The following NUDT11 variants were observed in gnomAD, a reference collection of about 807,000 sequenced individuals.
The protein encoded by NUDT11 is nudix hydrolase 11.
A neutral mutation model predicts 10.0 loss-of-function variants in NUDT11; 1 was observed. The ratio of observed to expected loss-of-function variants is 0.10; its 90% confidence interval spans 0.04 to 0.47. NUDT11 has a LOEUF of 0.47. Among genes scored for constraint, NUDT11 ranks in the 20% least tolerant of loss-of-function variants. The pLI is 0.96. For missense variants in NUDT11, 47 were observed against 140.4 expected, an observed-to-expected ratio of 0.33 and a Z score of 3.36; for synonymous variants, 63 against 65.9, an observed-to-expected ratio of 0.96 and a Z score of 0.21.
At position 51,496,096 on chromosome X, in the gene NUDT11, G is replaced by C; in HGVS notation, c.349C>G (p.Arg117Gly). ...WEDSVSIGRK[R>G]EWFKVEDAIK... is the part of the protein sequence containing the mutation. The stretch of plus-strand genomic sequence containing the variant: ...GCATCTTCGACTTTGAACCACTCTC[G>C]CTTCCTCCCAATGCTAACCGAATCT... Residue 117 changes from arginine to glycine, a missense_variant, in exon 1 of 2, where the codon CGA becomes GGA. Arg to Gly is a moderately radical substitution (Grantham distance 125). Coordinates refer to ENST00000375992, the MANE Select transcript of NUDT11 (RefSeq NM_018159.4). 1 of 1,211,149 alleles carries C rather than the reference G, an allele frequency of 8.3e-7. No homozygotes were observed. The highest frequency in any genetic ancestry group is 1.1e-6 in the Non-Finnish European group (1 of 894,990).
At chrX:51,494,534 T>C (rs1557326465) in intron 1 of NUDT11, among the ~76,000 whole-genome samples, 1 of 111,721 alleles carries the variant, frequency 9.0e-6, no homozygotes, top group East Asian at 2.8e-4. Flanking sequence ...AAAAATATTA[T>C]TTGTGAAATT....
In NUDT11 at chrX:51,490,494, C is replaced by T. The variant is rs1240858713; in HGVS notation, c.*1255G>A. ...TTGGTAATTTGTAAGGAGCTGAAGA[C>T]TGCTGATATCACACATCCCATGGCA... is the stretch of plus-strand genomic sequence containing the variant. On this transcript the variant is annotated 3_prime_UTR_variant, in exon 2 of 2. Coordinates refer to ENST00000375992, the MANE Select transcript of NUDT11 (RefSeq NM_018159.4). 6 of 111,837 alleles carry T rather than the reference C, an allele frequency of 5.4e-5. No homozygotes were observed. The East Asian group carries it at 1.7e-3, about 31-fold the overall frequency. The allele number at this position is 111,837 out of a possible 1,213,427, so 9.2% of individuals were successfully genotyped here. A position where few individuals can be genotyped will look rare whatever the true frequency, so the allele number is the denominator to read the frequency against.
In NUDT11 at chrX:51,491,648, T is replaced by C. The variant is rs896338894; in HGVS notation, c.*101A>G. On this transcript the variant is annotated 3_prime_UTR_variant, in exon 2 of 2. Transcript: ENST00000375992. ...GGAAGAAACCAGATGAGCTGTCTTC[T>C]TGGGAACACAGAAGTGCTCACCTGT... is the stretch of plus-strand genomic sequence containing the variant. 7 of 557,067 alleles carry C rather than the reference T, an allele frequency of 1.3e-5. No homozygotes were observed. The highest frequency in any genetic ancestry group is 2.3e-5 in the Non-Finnish European group (7 of 302,828). 45.9% of individuals were successfully genotyped at this position (557,067 alleles called of 1,213,427 possible).
In NUDT11 at chrX:51,496,342, A is replaced by G. The variant is rs782658460; in HGVS notation, c.103T>C (p.Leu35=). The G allele has an allele frequency of 1.7e-6, 2 of 1,207,693 alleles. No individual in the cohort carries two copies. Among genetic ancestry groups the G allele is most frequent in the Non-Finnish European group, 2.2e-6 (2 of 893,876 alleles). The change falls in exon 1 of 2, where the codon TTA becomes CTA. Residue 35 remains leucine, a synonymous_variant. Transcript: ENST00000375992. ...TCCGGGTACCGGCTGCTACTCACTA[A>G]CAGGACCTCGTCCTCGCGTTCGCTC... ...FRSEREDEVL[L]VSSSRYPDRW... is the part of the protein sequence containing the mutation.
chrX:51,493,857 T>G (rs1198403396), intron 1 of NUDT11, among the ~76,000 whole-genome samples: 2 of 111,921 alleles, frequency 1.8e-5, no homozygotes, highest in African/African-American at 3.2e-5. Context: ...ATACATAACT[T>G]AAGAACCAAA....
chrX:51,491,807 A>T, intron 1 of NUDT11, 58 bp from the exon 2 acceptor site: 1 of 570,265 alleles, frequency 1.8e-6, no homozygotes, highest in East Asian at 3.2e-5. Context: ...CCTCCAACTG[A>T]CAAATGTACC....
chrX:51,495,852 C>T lies in NUDT11; in HGVS notation c.494+99G>A, dbSNP rs1398516742. 9.9e-6 allele frequency: 11 copies of T among 1,113,738 alleles called. No individual in the cohort carries two copies. The Admixed American group carries it at 3.3e-4, about 33-fold the overall frequency. The allele number at this position is 1,113,738 out of a possible 1,213,427, so 91.8% of individuals were successfully genotyped here. A position where few individuals can be genotyped will look rare whatever the true frequency, so the allele number is the denominator to read the frequency against. On this transcript the variant is annotated intron_variant, in intron 1 of 1. Coordinates refer to ENST00000375992, the MANE Select transcript of NUDT11 (RefSeq NM_018159.4). Reference sequence around the variant, plus strand: ...AGGAAACAAAAGAAGCCTCCCTCCTCCCCGTGAGACCGCACATGGCACGAG... The same window carrying T: ...AGGAAACAAAAGAAGCCTCCCTCCTTCCCGTGAGACCGCACATGGCACGAG...
chrX:51,491,825 T>A (rs1029072369), intron 1 of NUDT11, 76 bp from the exon 2 acceptor site: 10 of 566,368 alleles, frequency 1.8e-5, no homozygotes, highest in Non-Finnish European at 3.2e-5. Flanking sequence ...ACCAAGAGCT[T>A]ATTATGTACA....
At chrX:51,493,833 TTTTAC>T (rs1925645876) in intron 1 of NUDT11, among the ~76,000 whole-genome samples, 1 of 111,891 alleles carries the variant, frequency 8.9e-6, no homozygotes, top group African/African-American at 3.2e-5. Flanking sequence ...GTACATTAAT[TTTTAC>T]TTTGTCAGAT....
In NUDT11 at chrX:51,496,532, C is replaced by T; in HGVS notation, c.-88G>A. 2 of 1,168,276 alleles carry T rather than the reference C, an allele frequency of 1.7e-6. No homozygotes were observed. Among genetic ancestry groups the T allele is most frequent in the Admixed American group, 2.4e-5 (1 of 41,996 alleles). ...GCCGCTGCCGCCGCCGGGGAACAGC[C>T]GAGGTGCTGGGAAGAGAAAGGGCCG... is the stretch of plus-strand genomic sequence containing the variant. On this transcript the variant is annotated 5_prime_UTR_variant, in exon 1 of 2. Coordinates refer to ENST00000375992, the MANE Select transcript of NUDT11 (RefSeq NM_018159.4).
chrX:51,490,708 C>T lies in NUDT11; in HGVS notation c.*1041G>A, dbSNP rs1925575065. Reference sequence around the variant, plus strand: ...TCTCAGCCCTCTGCATTCTCATATGCAGAAACCAGGTAGGATGAGGAGCTA... The same window carrying T: ...TCTCAGCCCTCTGCATTCTCATATGTAGAAACCAGGTAGGATGAGGAGCTA... On this transcript the variant is annotated 3_prime_UTR_variant, in exon 2 of 2. Coordinates refer to ENST00000375992, the MANE Select transcript of NUDT11 (RefSeq NM_018159.4). 8.9e-6 allele frequency: 1 copy of T among 111,761 alleles called. No homozygotes were observed. The highest frequency in any genetic ancestry group is 3.3e-5 in the African/African-American group (1 of 30,723). 9.2% of individuals were successfully genotyped at this position (111,761 alleles called of 1,213,427 possible).
intron 1 of NUDT11, among the ~76,000 whole-genome samples, chrX:51,491,991 G>A (rs1925604014): frequency 8.9e-6 from 1 of 112,031 alleles, no homozygotes; most frequent in South Asian, 3.7e-4. Context: ...TGTAAAAGAG[G>A]AGTGACCATT....
At chrX:51,494,232 G>A (rs974065741) in intron 1 of NUDT11, among the ~76,000 whole-genome samples, 1 of 112,077 alleles carries the variant, frequency 8.9e-6, no homozygotes, top group Non-Finnish European at 1.9e-5. Flanking sequence ...TTTAAAATAT[G>A]TGGTTCAAAT....
At position 51,496,339 on chromosome X, in the gene NUDT11, C is replaced by T; in HGVS notation, c.106G>A (p.Val36Met). ...CGGTCCGGGTACCGGCTGCTACTCA[C>T]TAACAGGACCTCGTCCTCGCGTTCG... ...RSEREDEVLL[V>M]SSSRYPDRWI... Residue 36 changes from valine (V) to methionine (M), a missense_variant, in exon 1 of 2, where the codon GTG becomes ATG. Coordinates refer to ENST00000375992, the MANE Select transcript of NUDT11 (RefSeq NM_018159.4). 1 of 1,208,395 alleles carries T rather than the reference C, an allele frequency of 8.3e-7. No individual in the cohort carries two copies.
intron 1 of NUDT11, 91 bp downstream of exon 1, chrX:51,495,860 G>T: frequency 8.8e-7 from 1 of 1,138,310 alleles, no homozygotes; most frequent in Non-Finnish European, 1.2e-6. Flanking sequence ...CTCCCCGTGA[G>T]ACCGCACATG....
At position 51,490,247 on chromosome X, in the gene NUDT11, T is replaced by C. The variant is rs1018876647; in HGVS notation, c.*1502A>G. On this transcript the variant is annotated 3_prime_UTR_variant, in exon 2 of 2. Coordinates refer to ENST00000375992, the MANE Select transcript of NUDT11 (RefSeq NM_018159.4). ...ACTTCTCTAAAAGATAATCATTTTT[T>C]AAAACAACATAACCACAGTACCATA... is the stretch of plus-strand genomic sequence containing the variant. 1.8e-5 allele frequency: 2 copies of C among 111,470 alleles called. No homozygotes were observed. The highest frequency in any genetic ancestry group is 3.8e-5 in the Non-Finnish European group (2 of 53,148). The allele number at this position is 111,470 out of a possible 1,213,427, so 9.2% of individuals were successfully genotyped here.
At chrX:51,492,274 G>A (rs1267264568) in intron 1 of NUDT11, among the ~76,000 whole-genome samples, 3 of 111,331 alleles carry the variant, frequency 2.7e-5, no homozygotes, top group East Asian at 5.7e-4. Flanking sequence ...CAGATAGTTA[G>A]ATAACTTGGC....
chrX:51,491,250 C>A lies in NUDT11; in HGVS notation c.*499G>T, dbSNP rs1282794883. 4.4e-5 allele frequency: 5 copies of A among 113,799 alleles called. No individual in the cohort carries two copies. Among genetic ancestry groups the A allele is most frequent in the African/African-American group, 9.7e-5 (3 of 30,813 alleles). The allele number at this position is 113,799 out of a possible 1,213,427, so 9.4% of individuals were successfully genotyped here. A position where few individuals can be genotyped will look rare whatever the true frequency, so the allele number is the denominator to read the frequency against. ...ATTCTTGTCCTCAAACATCTTACAA[C>A]TGTCTTGAAATATTTCTGAAACACC... is the stretch of plus-strand genomic sequence containing the variant. On this transcript the variant is annotated 3_prime_UTR_variant, in exon 2 of 2. Transcript: ENST00000375992.
rs1232056260 is a variant in NUDT11, at chrX:51,495,890, C to A, written c.494+61G>T. ...CACATGGCACGAGAGGTGCTCCAGG[C>A]GGGACGCATTTTAAGCGAGGCAGAC... On this transcript the variant is annotated intron_variant, in intron 1 of 1. Coordinates refer to ENST00000375992, the MANE Select transcript of NUDT11 (RefSeq NM_018159.4). The A allele has an allele frequency of 1.5e-5, 18 of 1,182,521 alleles. 1 individual carries two copies. In the South Asian group the frequency reaches 2.5e-4, roughly 16 times the overall value.
Sources: allele counts gnomAD v4.1 joint callset (sites outside exome capture counted in the v4.1 genomes callset), GRCh38; gene constraint gnomAD v4.1.1; transcripts MANE v1.5; gene names NCBI Gene and HGNC (gene_info 2026-07-23, HGNC 2026-07-21).